The following ANKFN1 variants were observed in gnomAD, a reference collection of about 807,000 sequenced individuals.
ANKFN1 encodes ankyrin repeat and fibronectin type-III domain-containing protein 1.
A neutral mutation model predicts 108.7 loss-of-function variants in ANKFN1; 74 were observed. The ratio of observed to expected loss-of-function variants is 0.68; its 90% CI spans 0.56 to 0.83. The LOEUF (loss-of-function observed/expected upper bound fraction) is 0.83, where lower values mean the gene tolerates loss of function less well. ANKFN1 is among the 40% of genes least tolerant of loss of function. The pLI, the probability that ANKFN1 is intolerant of heterozygous loss-of-function variation, is 0.00. For missense variants in ANKFN1, 1,505 were observed against 1,382.3 expected (o/e 1.09, Z -1.41); for synonymous variants, 547 against 516.2 (o/e 1.06, Z -0.81).
intron 3 of ANKFN1, among the ~76,000 whole-genome samples, chr17:56,301,238 A>T (rs2044662690): frequency 6.6e-6 from 1 of 152,136 alleles, no homozygotes; most frequent in South Asian, 2.1e-4. Flanking sequence ...CATCAGCTCC[A>T]CGTTGTTAGC....
At chr17:56,213,881 G>A (rs186412861) in intron 2 of ANKFN1, among the ~76,000 whole-genome samples, 7 of 152,264 alleles carry the variant, frequency 4.6e-5, no homozygotes, top group Non-Finnish European at 1.5e-5. Flanking sequence ...ACTGTGCCCA[G>A]GGAGGCAAAG....
Position 56,084,275 on chromosome 17 carries a change from C to T in ANKFN1, c.288+37950C>T, listed in dbSNP as rs185383539. On this transcript the variant is annotated intron_variant, in intron 4 of 12. Transcript: ENST00000635860. ...AGGGAAACCAAGAGGATGAACAGGA[C>T]GTGCAGCAGTTGGATGTTGTCACGG... Among the ~76,000 whole-genome samples, 343 of 151,492 alleles carry T rather than the reference C, an allele frequency of 2.3e-3. 5 individuals are homozygous for T. The highest frequency in any genetic ancestry group is 7.6e-3 in the African/African-American group (316 of 41,352).
intron 1 of ANKFN1, among the ~76,000 whole-genome samples, chr17:56,170,303 C>A (rs939750262): frequency 1.3e-5 from 2 of 152,086 alleles, no homozygotes; most frequent in South Asian, 2.1e-4. Flanking sequence ...AAGATAGACA[C>A]CTAAGCCAAT....
chr17:56,410,933 ATATAT>A (rs770277418), intron 8 of ANKFN1, among the ~76,000 whole-genome samples: 3 of 152,144 alleles, frequency 2.0e-5, no homozygotes, highest in Non-Finnish European at 4.4e-5. Context: ...TAGCTTTATA[ATATAT>A]TCTGAAATCC....
intron 3 of ANKFN1, among the ~76,000 whole-genome samples, chr17:56,293,591 C>A (rs1423600432): frequency 6.6e-6 from 1 of 152,058 alleles, no homozygotes; most frequent in Non-Finnish European, 1.5e-5. Context: ...GACTGTGGGA[C>A]AGTGGGATAA....
chr17:56,165,635 A>G (rs766556960), intron 1 of ANKFN1, among the ~76,000 whole-genome samples: 1 of 152,036 alleles, frequency 6.6e-6, no homozygotes, highest in Non-Finnish European at 1.5e-5. Context: ...AAACGTTCAG[A>G]TGTTGGACTC....
At chr17:56,224,223 A>G (rs1258971190) in intron 2 of ANKFN1, among the ~76,000 whole-genome samples, 2 of 152,252 alleles carry the variant, frequency 1.3e-5, no homozygotes, top group African/African-American at 4.8e-5. Flanking sequence ...GGCATATTCT[A>G]TCTTAAATAA....
intron 3 of ANKFN1, among the ~76,000 whole-genome samples, chr17:56,307,798 A>G (rs1321129627): frequency 2.0e-5 from 3 of 152,196 alleles, no homozygotes; most frequent in Non-Finnish European, 4.4e-5. Flanking sequence ...TTGCAGCACT[A>G]TTCACAATAG....
chr17:56,270,647 C>T (rs62073040), intron 3 of ANKFN1, among the ~76,000 whole-genome samples: 21,848 of 152,106 alleles, frequency 0.14, 1,695 homozygotes, highest in African/African-American at 0.2. Context: ...TTCCTCACTA[C>T]GGCCAAAGTA....
At position 56,212,661 on chromosome 17, in the gene ANKFN1, AG is replaced by A. The variant is rs1465958426; in HGVS notation, c.-5del. 2.0e-5 allele frequency among the ~76,000 whole-genome samples: 3 copies of A among 152,206 alleles called. No homozygotes were observed. The East Asian group carries it at 5.8e-4, about 29-fold the overall frequency. On this transcript the variant is annotated 5_prime_UTR_variant, in exon 2 of 21. Coordinates refer to ENST00000682825, the MANE Select transcript of ANKFN1 (RefSeq NM_001370326.1). ...AGTTTGAGACCAGGAGCCTGTGGGC[AG>A]GCTACATGAATGAGAAGGTTAGTTT...
intron 8 of ANKFN1, among the ~76,000 whole-genome samples, chr17:56,411,496 T>G (rs1156518807): frequency 6.6e-6 from 1 of 152,204 alleles, no homozygotes; most frequent in Non-Finnish European, 1.5e-5. Flanking sequence ...TCTTGCCTAA[T>G]TTCTGTGGCT....
intron 4 of ANKFN1, among the ~76,000 whole-genome samples, chr17:56,136,784 T>A (rs549966340): frequency 2.1e-4 from 32 of 152,322 alleles, no homozygotes; most frequent in African/African-American, 7.2e-4. Flanking sequence ...GTGAAGCCTA[T>A]GACTAGAACA....
At chr17:56,488,900 G>T (rs1194676149) in intron 18 of ANKFN1, among the ~76,000 whole-genome samples, 10 of 152,210 alleles carry the variant, frequency 6.6e-5, no homozygotes, top group Admixed American at 6.5e-5. Flanking sequence ...GTAGTAAAAA[G>T]GTGTGGCAGA....
intron 1 of ANKFN1, among the ~76,000 whole-genome samples, chr17:56,197,208 C>T (rs1364469484): frequency 1.3e-5 from 2 of 152,102 alleles, no homozygotes; most frequent in African/African-American, 4.8e-5. Flanking sequence ...CATTCCTGTC[C>T]CTCTCTAATG....
intron 4 of ANKFN1, among the ~76,000 whole-genome samples, chr17:56,345,857 T>C (rs1335725329): frequency 6.6e-6 from 1 of 152,228 alleles, no homozygotes; most frequent in Non-Finnish European, 1.5e-5. Flanking sequence ...ACTCTGATGA[T>C]AGTTTCTTTT....
intron 11 of ANKFN1, among the ~76,000 whole-genome samples, chr17:56,454,625 A>G (rs543717113): frequency 7.2e-5 from 11 of 152,282 alleles, no homozygotes; most frequent in South Asian, 6.2e-4. Context: ...CCACCTTTCC[A>G]TTGAGATATC....
chr17:56,142,270 C>CA (rs1239386037), intron 4 of ANKFN1, among the ~76,000 whole-genome samples: 1 of 151,952 alleles, frequency 6.6e-6, no homozygotes, highest in Non-Finnish European at 1.5e-5. Flanking sequence ...TCATGGGAGT[C>CA]AAAAAAGAAG....
chr17:56,318,176 G>T lies in ANKFN1; in HGVS notation c.54-8045G>T, dbSNP rs77050997. ...TCTGCAATTAACCTTCATATAACCA[G>T]GGCATTTTTCTACAAAACCAGATGG... On this transcript the variant is annotated intron_variant, in intron 3 of 20. Coordinates refer to ENST00000682825, the MANE Select transcript of ANKFN1 (RefSeq NM_001370326.1). Among the ~76,000 whole-genome samples, 1,371 of 151,884 alleles carry T rather than the reference G, an allele frequency of 9.0e-3. 21 individuals are homozygous for T. Among genetic ancestry groups the T allele is most frequent in the African/African-American group, 0.031 (1,265 of 41,428 alleles).
intron 8 of ANKFN1, among the ~76,000 whole-genome samples, chr17:56,439,493 TG>T (rs2049032168): frequency 6.6e-6 from 1 of 152,256 alleles, no homozygotes; most frequent in Admixed American, 6.5e-5. Flanking sequence ...CACAGTAAAA[TG>T]GGGTGTTAGA....
Sources: gnomAD v4.1 joint callset for allele counts (sites outside exome capture counted in the v4.1 genomes callset) on GRCh38, gnomAD v4.1.1 for gene constraint, MANE v1.5 for transcripts, NCBI Gene and HGNC (gene_info 2026-07-23, HGNC 2026-07-21) for gene names.